Variants in GRB14 observed in about 807,000 individuals in gnomAD.
GRB14 encodes growth factor receptor bound protein 14.
Under a neutral mutation model 69.1 loss-of-function variants are expected in GRB14, and 38 were observed. That is an observed-to-expected ratio of 0.55 (90% CI 0.42 to 0.72). GRB14 has a LOEUF of 0.72. Ranked by LOEUF, GRB14 falls within the 30% of genes least tolerant of loss-of-function variation. The pLI is 0.00. For missense variants in GRB14, 666 were observed against 666.1 expected (o/e 1.00, Z 0.00); for synonymous variants, 247 against 241.3 (o/e 1.02, Z -0.22).
chr2:164,547,032 G>T (rs990978086), intron 3 of GRB14, among the ~76,000 whole-genome samples: 4 of 152,040 alleles, frequency 2.6e-5, no homozygotes, highest in Non-Finnish European at 5.9e-5. Context: ...ACCACCTAGA[G>T]CCAAAAAGAA....
intron 2 of GRB14, among the ~76,000 whole-genome samples, chr2:164,582,417 ATTTATTAT>A (rs1689429953): frequency 9.3e-6 from 1 of 107,788 alleles, no homozygotes; most frequent in African/African-American, 4.6e-5. Context: ...TTATTTATTT[ATTTATTAT>A]TTTTTTTTTT....
At chr2:164,544,823 A>G (rs1486965878) in intron 3 of GRB14, among the ~76,000 whole-genome samples, 5 of 152,210 alleles carry the variant, frequency 3.3e-5, no homozygotes, top group Non-Finnish European at 7.3e-5. Flanking sequence ...AGGTTCTGAC[A>G]TGTCCTAGGA....
chr2:164,615,624 T>C (rs1045688246), intron 2 of GRB14, among the ~76,000 whole-genome samples: 22 of 152,190 alleles, frequency 1.4e-4, no homozygotes, highest in African/African-American at 5.3e-4. Flanking sequence ...TCAATTTACG[T>C]ATCACTAAAG....
intron 6 of GRB14, among the ~76,000 whole-genome samples, chr2:164,520,969 A>G (rs1687618745): frequency 1.3e-5 from 2 of 152,220 alleles, no homozygotes; most frequent in African/African-American, 4.8e-5. Context: ...TTAAAGAACT[A>G]AAAGTAGAAC....
chr2:164,507,008 G>T (rs751049419), intron 8 of GRB14, among the ~76,000 whole-genome samples: 1 of 152,136 alleles, frequency 6.6e-6, no homozygotes, highest in Non-Finnish European at 1.5e-5. Context: ...CTTTTGAGGT[G>T]ATTAAAATGT....
chr2:164,493,358 A>G (rs1686809887), intron 13 of GRB14, among the ~76,000 whole-genome samples, 176 bp from the exon 14 acceptor site: 1 of 152,182 alleles, frequency 6.6e-6, no homozygotes, highest in African/African-American at 2.4e-5. Context: ...TGCATTTAAA[A>G]GAAATATCAG....
At chr2:164,573,716 C>G (rs1282633322) in intron 2 of GRB14, 2 of 1,602,136 alleles carry the variant, frequency 1.2e-6, no homozygotes, top group African/African-American at 2.7e-5. Flanking sequence ...ACCTGCTATT[C>G]TAATTAAGTT....
At chr2:164,575,644 A>T (rs186359944) in intron 2 of GRB14, among the ~76,000 whole-genome samples, 10 of 152,296 alleles carry the variant, frequency 6.6e-5, no homozygotes, top group African/African-American at 2.4e-4. Context: ...AATTCTAAGT[A>T]ATTTATTTTA....
chr2:164,569,895 C>T (rs935286921), intron 2 of GRB14, among the ~76,000 whole-genome samples: 25 of 152,058 alleles, frequency 1.6e-4, no homozygotes, highest in African/African-American at 6.0e-4. Flanking sequence ...ACTAATACAG[C>T]GATGGGGGGT....
intron 2 of GRB14, among the ~76,000 whole-genome samples, chr2:164,588,534 A>G (rs969812145): frequency 2.0e-5 from 3 of 150,470 alleles, no homozygotes; most frequent in African/African-American, 5.0e-5. Flanking sequence ...CCGTAACTAT[A>G]GGAAAATATG....
At chr2:164,542,058 T>A (rs1035882575) in intron 3 of GRB14, among the ~76,000 whole-genome samples, 3 of 152,142 alleles carry the variant, frequency 2.0e-5, no homozygotes, top group African/African-American at 4.8e-5. Flanking sequence ...CAAAACAGCA[T>A]GATACTTGTA....
intron 2 of GRB14, among the ~76,000 whole-genome samples, chr2:164,560,371 A>G (rs954443793): frequency 6.6e-6 from 1 of 152,120 alleles, no homozygotes; most frequent in Non-Finnish European, 1.5e-5. Context: ...ATAATTGCAA[A>G]TACTGAAGTA....
intron 2 of GRB14, among the ~76,000 whole-genome samples, chr2:164,611,550 T>C (rs1259071173): frequency 6.6e-6 from 1 of 151,458 alleles, no homozygotes; most frequent in Non-Finnish European, 1.5e-5. Context: ...TTAAACCAAG[T>C]AGAGCCAAAT....
intron 2 of GRB14, among the ~76,000 whole-genome samples, chr2:164,588,914 T>G (rs1272107071): frequency 2.6e-5 from 4 of 152,226 alleles, no homozygotes; most frequent in Non-Finnish European, 4.4e-5. Context: ...AAAAGATGAC[T>G]TCTGTTTAAA....
intron 8 of GRB14, among the ~76,000 whole-genome samples, chr2:164,507,215 G>A (rs1574250681): frequency 6.6e-6 from 1 of 152,108 alleles, no homozygotes; most frequent in South Asian, 2.1e-4. Flanking sequence ...TAAGTTGGAT[G>A]CTAGGAAAAA....
chr2:164,575,686 G>A (rs1689234792), intron 2 of GRB14, among the ~76,000 whole-genome samples: 1 of 152,046 alleles, frequency 6.6e-6, no homozygotes, highest in Admixed American at 6.6e-5. Flanking sequence ...GAAAAGGGAG[G>A]ATGAAGAGGA....
intron 2 of GRB14, chr2:164,573,643 A>G (rs1689171246): frequency 2.0e-6 from 3 of 1,527,560 alleles, no homozygotes; most frequent in Non-Finnish European, 1.8e-6. Flanking sequence ...TTTTTTTTTC[A>G]TCTTTTCTTT....
chr2:164,500,970 C>T (rs1034808279), intron 9 of GRB14, among the ~76,000 whole-genome samples: 2 of 151,974 alleles, frequency 1.3e-5, no homozygotes, highest in African/African-American at 2.4e-5. Flanking sequence ...TATTTGGCTG[C>T]TATTAACATG....
chr2:164,593,594 A>T (rs935034471), intron 2 of GRB14, among the ~76,000 whole-genome samples: 10 of 152,188 alleles, frequency 6.6e-5, no homozygotes, highest in African/African-American at 2.4e-4. Context: ...AAAGAGGAAA[A>T]GGAAGAAATC....
Sources: allele counts gnomAD v4.1 joint callset (sites outside exome capture counted in the v4.1 genomes callset), GRCh38; gene constraint gnomAD v4.1.1; transcripts MANE v1.5; gene names NCBI Gene and HGNC (gene_info 2026-07-23, HGNC 2026-07-21).